The following SNTG1 variants were observed in gnomAD, a reference collection of about 807,000 sequenced individuals.
SNTG1 encodes the protein gamma-1-syntrophin.
Under a neutral mutation model 74.7 loss-of-function variants are expected in SNTG1, and 39 were observed. The ratio of observed to expected loss-of-function variants is 0.52; its 90% CI spans 0.40 to 0.68. The LOEUF (loss-of-function observed/expected upper bound fraction) is 0.68, where lower values mean the gene tolerates loss of function less well. SNTG1 is among the 30% of genes least tolerant of loss of function. SNTG1 has a pLI of 0.00. For missense variants in SNTG1, 685 were observed against 609.5 expected (o/e 1.12, Z -1.30); for synonymous variants, 254 against 217.1 (o/e 1.17, Z -1.49).
At chr8:50,378,350 T>C (rs948028172) in intron 2 of SNTG1, among the ~76,000 whole-genome samples, 1 of 152,154 alleles carries the variant, frequency 6.6e-6, no homozygotes, top group African/African-American at 2.4e-5. Flanking sequence ...CAGCCCTGGC[T>C]CAGGGAGTTC....
intron 11 of SNTG1, among the ~76,000 whole-genome samples, 193 bp downstream of exon 11, chr8:50,537,001 G>A (rs2094313069): frequency 2.0e-5 from 3 of 152,186 alleles, no homozygotes; most frequent in Admixed American, 2.0e-4. Context: ...TTAAAGCCCT[G>A]ACTCTGCTAT....
intron 2 of SNTG1, among the ~76,000 whole-genome samples, chr8:50,249,234 T>C (rs1204087834): frequency 6.6e-6 from 1 of 152,180 alleles, no homozygotes; most frequent in East Asian, 1.9e-4. Context: ...TCTGCACAGT[T>C]GCAACCCATC....
At chr8:50,243,703 T>A (rs1364085359) in intron 2 of SNTG1, among the ~76,000 whole-genome samples, 1 of 152,032 alleles carries the variant, frequency 6.6e-6, no homozygotes, top group African/African-American at 2.4e-5. Flanking sequence ...TTTTTTACTG[T>A]TCCATGGACA....
chr8:50,273,454 C>T, intron 2 of SNTG1, among the ~76,000 whole-genome samples: 1 of 152,274 alleles, frequency 6.6e-6, no homozygotes, highest in East Asian at 1.9e-4. Context: ...AAAAATAATT[C>T]TGCCCTCTTG....
intron 18 of SNTG1, among the ~76,000 whole-genome samples, chr8:50,758,992 A>G (rs1185460758): frequency 6.6e-6 from 1 of 152,030 alleles, no homozygotes; most frequent in Non-Finnish European, 1.5e-5. Context: ...CCTGACTTTA[A>G]TGATCACCAT....
rs138445164 is a variant in SNTG1 at position 50,446,556 on chromosome 8, G to A, written c.220-3112G>A. ...TAGCTGGGCATGATGGTGAGTGGCT[G>A]TAATCCCAGCTACTTAGGAGGCTGA... On this transcript the variant is annotated intron_variant, in intron 5 of 18. Transcript: ENST00000642720. Among the ~76,000 whole-genome samples, 493 of 152,136 alleles carry A rather than the reference G, an allele frequency of 3.2e-3. 3 individuals carry two copies. Among genetic ancestry groups the A allele is most frequent in the African/African-American group, 0.011 (474 of 41,508 alleles).
chr8:50,025,838 T>G (rs1419837826), intron 1 of SNTG1, among the ~76,000 whole-genome samples: 1 of 152,166 alleles, frequency 6.6e-6, no homozygotes, highest in Non-Finnish European at 1.5e-5. Flanking sequence ...TGGTTATGTG[T>G]TGGTATGCAG....
chr8:50,368,179 G>C (rs1407159854), intron 2 of SNTG1, among the ~76,000 whole-genome samples: 1 of 152,138 alleles, frequency 6.6e-6, no homozygotes, highest in Admixed American at 6.6e-5. Flanking sequence ...ATGGAAATGA[G>C]AACAGGCCAC....
chr8:50,506,918 A>G (rs2094011701), intron 9 of SNTG1, among the ~76,000 whole-genome samples: 1 of 152,098 alleles, frequency 6.6e-6, no homozygotes, highest in Non-Finnish European at 1.5e-5. Context: ...TCAGTTTTCC[A>G]TTATTCAGTA....
intron 1 of SNTG1, among the ~76,000 whole-genome samples, chr8:50,101,142 T>C (rs2080108164): frequency 1.3e-5 from 2 of 152,160 alleles, no homozygotes; most frequent in Non-Finnish European, 2.9e-5. Flanking sequence ...TAGTATTCCA[T>C]GGTATATATG....
At chr8:50,352,317 T>C (rs1476753950) in intron 2 of SNTG1, among the ~76,000 whole-genome samples, 1 of 152,150 alleles carries the variant, frequency 6.6e-6, no homozygotes, top group African/African-American at 2.4e-5. Context: ...GTGCTTTCTT[T>C]GAACTCCTGG....
intron 4 of SNTG1, among the ~76,000 whole-genome samples, chr8:50,409,193 A>G (rs1363793936): frequency 6.6e-6 from 1 of 152,154 alleles, no homozygotes; most frequent in Non-Finnish European, 1.5e-5. Context: ...ATCTGACTCT[A>G]ATTTTAGTTA....
chr8:50,752,565 T>C (rs1404560015), intron 18 of SNTG1, among the ~76,000 whole-genome samples: 3 of 151,966 alleles, frequency 2.0e-5, no homozygotes, highest in East Asian at 3.9e-4. Context: ...AATAACAATA[T>C]TTGCATTAGA....
At chr8:50,159,094 GT>G (rs1222772260) in intron 1 of SNTG1, among the ~76,000 whole-genome samples, 1 of 152,026 alleles carries the variant, frequency 6.6e-6, no homozygotes, top group African/African-American at 2.4e-5. Flanking sequence ...GGCCGTTTGG[GT>G]TTTTTCTCTT....
intron 13 of SNTG1, among the ~76,000 whole-genome samples, chr8:50,606,331 CT>C (rs1201139365): frequency 2.0e-5 from 3 of 152,072 alleles, no homozygotes; most frequent in African/African-American, 7.2e-5. Context: ...TTAAAAATTT[CT>C]CTTAGAAACC....
chr8:49,960,372 G>C (rs1300658247), intron 1 of SNTG1, among the ~76,000 whole-genome samples: 2 of 152,098 alleles, frequency 1.3e-5, no homozygotes, highest in Non-Finnish European at 2.9e-5. Flanking sequence ...TAATACAACA[G>C]TTAATAATAA....
intron 1 of SNTG1, among the ~76,000 whole-genome samples, chr8:50,132,323 T>A (rs192651193): frequency 3.7e-4 from 57 of 152,182 alleles, no homozygotes; most frequent in Non-Finnish European, 7.1e-4. Flanking sequence ...CTATATATCA[T>A]CAAATTGAAA....
At chr8:50,168,843 A>G (rs2082712901) in intron 1 of SNTG1, among the ~76,000 whole-genome samples, 1 of 152,280 alleles carries the variant, frequency 6.6e-6, no homozygotes, top group East Asian at 1.9e-4. Context: ...ACTTCACCCA[A>G]CTTCTCCCAA....
intron 15 of SNTG1, among the ~76,000 whole-genome samples, chr8:50,678,512 G>A (rs1030500687): frequency 6.6e-6 from 1 of 152,072 alleles, no homozygotes; most frequent in African/African-American, 2.4e-5. Context: ...GTTTGAAATG[G>A]ATTTGGAGCA....
Sources: gnomAD v4.1 joint callset for allele counts (sites outside exome capture counted in the v4.1 genomes callset) on GRCh38, gnomAD v4.1.1 for gene constraint, MANE v1.5 for transcripts, NCBI Gene and HGNC (gene_info 2026-07-23, HGNC 2026-07-21) for gene names.